DAB2IP: variants seen among roughly 807,000 people sequenced by gnomAD.
DAB2IP encodes the protein disabled homolog 2-interacting protein.
DAB2IP carries 28 observed loss-of-function variants against 107.2 expected under a neutral mutation model. The observed-to-expected ratio is 0.26, with a 90% confidence interval of 0.19 to 0.36. The LOEUF (loss-of-function observed/expected upper bound fraction) is 0.36. Among genes scored for constraint, DAB2IP ranks in the 10% least tolerant of loss-of-function variants. The probability of loss-of-function intolerance (pLI) is 1.00; values close to 1 mark genes in which losing one functional copy is unlikely to be tolerated. For synonymous variants in DAB2IP, 755 were observed against 706.4 expected (o/e 1.07, Z -1.09); for missense variants, 1,400 against 1,644.7 (o/e 0.85, Z 2.57).
Position 121,770,738 on chromosome 9 carries a change from G to A in DAB2IP, c.2078+14G>A. 1 of 1,612,776 alleles carries A rather than the reference G, an allele frequency of 6.2e-7. No homozygotes were observed. The stretch of plus-strand genomic sequence containing the variant: ...CGATCTTTCCGGGTAAGAGCTGCCA[G>A]CCATGTTGGGTGTGGTGGGTGCGTG... On this transcript the variant is annotated intron_variant, in intron 11 of 15. Coordinates refer to ENST00000408936, the Ensembl canonical transcript of DAB2IP.
intron 1 of DAB2IP, among the ~76,000 whole-genome samples, chr9:121,623,767 C>T (rs1293474749): frequency 2.6e-5 from 4 of 151,386 alleles, no homozygotes; most frequent in Admixed American, 2.0e-4. Context: ...AGCTCATTGC[C>T]ACCTCCGCCT....
intron 1 of DAB2IP, among the ~76,000 whole-genome samples, chr9:121,582,806 C>G (rs187911894): frequency 1.3e-5 from 2 of 152,340 alleles, no homozygotes; most frequent in East Asian, 1.9e-4. Context: ...GGGACAAACT[C>G]CTACTCACAT....
chr9:121,699,113 G>T lies in DAB2IP; in HGVS notation c.229-212G>T, dbSNP rs1382240270. On this transcript the variant is annotated intron_variant, in intron 2 of 15. Coordinates refer to ENST00000408936, the Ensembl canonical transcript of DAB2IP. This position sits in a 1 kb window ranked among gnomAD's most constrained non-coding sequence, Gnocchi z 6.2. ...GGGGGCGGGGGCGACGTGGCGGGCG[G>T]GGTGGGCTGGGCCGCGCTGCGCGGG... Among the ~76,000 whole-genome samples the T allele has an allele frequency of 2.1e-5, 3 of 146,312 alleles. No individual in the cohort carries two copies. Among genetic ancestry groups the T allele is most frequent in the Non-Finnish European group, 4.6e-5 (3 of 65,846 alleles).
intron 1 of DAB2IP, among the ~76,000 whole-genome samples, chr9:121,572,514 C>CCAGGCGGGGG (rs1829969228): frequency 6.6e-6 from 1 of 152,214 alleles, no homozygotes; most frequent in Admixed American, 6.5e-5. Flanking sequence ...CTCCCCGACT[C>CCAGGCGGGGG]TGGACTTCTG....
chr9:121,616,722 G>T (rs1831292598), intron 1 of DAB2IP, among the ~76,000 whole-genome samples: 1 of 152,356 alleles, frequency 6.6e-6, no homozygotes, highest in East Asian at 1.9e-4. Flanking sequence ...GCCACAGGCA[G>T]GTCAGTCCTG....
intron 1 of DAB2IP, among the ~76,000 whole-genome samples, chr9:121,583,847 C>A (rs533189466): frequency 6.6e-6 from 1 of 152,236 alleles, no homozygotes; most frequent in Non-Finnish European, 1.5e-5. Flanking sequence ...TTCCTTGAAC[C>A]CAGCTTGGAC....
Position 121,774,242 on chromosome 9 carries a change from A to C in DAB2IP, c.2968-18A>C. 6.3e-7 allele frequency: 1 copy of C among 1,592,748 alleles called. No individual in the cohort carries two copies. Among genetic ancestry groups the C allele is most frequent in the African/African-American group, 1.4e-5 (1 of 73,656 alleles). The stretch of plus-strand genomic sequence containing the variant: ...CCTCCACCTCCCTGCAGCCCCTCAC[A>C]GCTGTGTTTCATTGTAGGGCCCTTC... On this transcript the variant is annotated intron_variant, in intron 12 of 15. Transcript: ENST00000408936.
At chr9:121,674,513 G>A (rs1833809263) in intron 1 of DAB2IP, among the ~76,000 whole-genome samples, 1 of 152,150 alleles carries the variant, frequency 6.6e-6, no homozygotes, top group Non-Finnish European at 1.5e-5. Flanking sequence ...CGGCCACCTG[G>A]GATCCTTGCG....
At chr9:121,696,162 C>A (rs953235167) in intron 2 of DAB2IP, among the ~76,000 whole-genome samples, 2 of 152,200 alleles carry the variant, frequency 1.3e-5, no homozygotes, top group Non-Finnish European at 2.9e-5. Context: ...AGCCACCATG[C>A]CTGGCAACTT....
intron 1 of DAB2IP, among the ~76,000 whole-genome samples, chr9:121,606,185 T>C (rs568989557): frequency 1.8e-4 from 27 of 151,360 alleles, no homozygotes; most frequent in African/African-American, 6.1e-4. Flanking sequence ...GTAATAAAAA[T>C]ACAAAAAGAA....
chr9:121,768,630 G>A (rs755218445), exon 10 of DAB2IP: 2 of 1,613,606 alleles, frequency 1.2e-6, no homozygotes, highest in East Asian at 2.2e-5. Context: ...GCCAGCTGGA[G>A]CAGGTGCCTG....
chr9:121,676,986 T>C (rs916302629), intron 1 of DAB2IP, among the ~76,000 whole-genome samples: 3 of 152,242 alleles, frequency 2.0e-5, no homozygotes, highest in Non-Finnish European at 4.4e-5. Context: ...TTCAATGAGC[T>C]GTCACCATTT....
chr9:121,778,619 C>T (rs2119031281), intron 14 of DAB2IP, among the ~76,000 whole-genome samples: 1 of 152,114 alleles, frequency 6.6e-6, no homozygotes, highest in South Asian at 2.1e-4. Flanking sequence ...CTCTTTGTTG[C>T]TCTAGGGCAG....
intron 6 of DAB2IP, among the ~76,000 whole-genome samples, chr9:121,762,723 C>A (rs760578449): frequency 8.7e-4 from 133 of 152,310 alleles, no homozygotes; most frequent in Non-Finnish European, 6.2e-4. Context: ...TTCCTATTTT[C>A]TTCCCCTCCC....
In DAB2IP at chr9:121,578,217, TG is replaced by T. The variant is rs149979890; in HGVS notation, c.40+10992del. Among the ~76,000 whole-genome samples the T allele has an allele frequency of 4.9e-3, 742 of 152,250 alleles. 6 individuals carry two copies. The highest frequency in any genetic ancestry group is 0.017 in the African/African-American group (709 of 41,534). The stretch of plus-strand genomic sequence containing the variant: ...GGGTAGTCCTTTCAGAGACTCTCTC[TG>T]GGTCTATCTCTGTCTCTTTCTGTCT... On this transcript the variant is annotated intron_variant, in intron 1 of 16. Coordinates refer to the DAB2IP transcript ENST00000259371.
At chr9:121,764,624 C>T (rs1189150965) in intron 8 of DAB2IP, among the ~76,000 whole-genome samples, 1 of 152,166 alleles carries the variant, frequency 6.6e-6, no homozygotes. Flanking sequence ...GGTTCATATT[C>T]ACCCCAGAGG....
chr9:121,781,004 T>A (rs897490153), intron 14 of DAB2IP, among the ~76,000 whole-genome samples: 2 of 152,212 alleles, frequency 1.3e-5, no homozygotes, highest in Non-Finnish European at 2.9e-5. Context: ...TCCTGCCTTG[T>A]GAACTCCTTG....
At chr9:121,664,079 G>C (rs1833318151) in intron 1 of DAB2IP, among the ~76,000 whole-genome samples, 1 of 152,124 alleles carries the variant, frequency 6.6e-6, no homozygotes, top group South Asian at 2.1e-4. Context: ...CACATTTCCT[G>C]GTGATCCATT....
intron 1 of DAB2IP, among the ~76,000 whole-genome samples, chr9:121,570,949 C>T (rs1345904874): frequency 6.6e-6 from 1 of 152,076 alleles, no homozygotes; most frequent in African/African-American, 2.4e-5. Context: ...GGTCCCTTCG[C>T]CAGTGCCTGC....
Sources: gnomAD v4.1 joint callset for allele counts (sites outside exome capture counted in the v4.1 genomes callset) on GRCh38, gnomAD v4.1.1 for gene constraint, Gnocchi (gnomAD v3.1) non-coding constraint, MANE v1.5 for transcripts, NCBI Gene and HGNC (gene_info 2026-07-23, HGNC 2026-07-21) for gene names.